The following MSANTD7 variants were observed in gnomAD, a reference collection of about 807,000 sequenced individuals.
MSANTD7 encodes Myb/SANT DNA binding domain containing 7.
At chr10:14,846,056 AT>A in the MSANTD7 span, 1 of 974,422 alleles carries the variant, frequency 1.0e-6, no homozygotes, top group Non-Finnish European at 1.2e-6. Context: ...TTAAGGTAGC[AT>A]TCTGTGGTAT....
chr10:14,841,678 CA>C, the MSANTD7 span, among the ~76,000 whole-genome samples: 3 of 149,750 alleles, frequency 2.0e-5, no homozygotes, highest in Non-Finnish European at 3.0e-5. Context: ...CCATATTGTG[CA>C]AAAAAAAAAT....
chr10:14,842,895 T>TA, the MSANTD7 span: 1 of 1,289,616 alleles, frequency 7.8e-7, no homozygotes, highest in Non-Finnish European at 1.1e-6. This position sits in a 1 kb window ranked among gnomAD's most constrained non-coding sequence, Gnocchi z 5.2. Context: ...CTTGTGGCTC[T>TA]AAACATTTAG....
the MSANTD7 span, chr10:14,838,386 G>T: frequency 6.3e-7 from 1 of 1,597,224 alleles, no homozygotes. Context: ...TCCTGCCGCT[G>T]CCGTCCCTGC....
the MSANTD7 span, chr10:14,842,263 T>G: frequency 1.1e-5 from 17 of 1,535,034 alleles, no homozygotes; most frequent in East Asian, 3.9e-4. This position sits in a 1 kb window ranked among gnomAD's most constrained non-coding sequence, Gnocchi z 5.2. Context: ...AGAAGCTGCC[T>G]AGCCCTCCTT....
At chr10:14,843,982 T>A in the MSANTD7 span, 1 of 1,483,198 alleles carries the variant, frequency 6.7e-7, no homozygotes, top group Non-Finnish European at 8.9e-7. Flanking sequence ...CTTTTCTGTG[T>A]CCTCAGAAAA....
At chr10:14,839,248 C>T in the MSANTD7 span, among the ~76,000 whole-genome samples, 2 of 152,254 alleles carry the variant, frequency 1.3e-5, no homozygotes, top group South Asian at 2.1e-4. Context: ...TAGGAAAAGC[C>T]AAAGGGAATA....
At chr10:14,843,534 G>A in the MSANTD7 span, 1 of 1,550,728 alleles carries the variant, frequency 6.4e-7, no homozygotes, top group Non-Finnish European at 8.7e-7. Context: ...CCACACCGCA[G>A]ACTCCAGTCT....
At chr10:14,844,206 G>A in the MSANTD7 span, 1 of 1,148,206 alleles carries the variant, frequency 8.7e-7, no homozygotes, top group Non-Finnish European at 1.1e-6. Flanking sequence ...TCCGTAAAAT[G>A]GGGATCAATA....
the MSANTD7 span, chr10:14,843,751 C>G: frequency 6.5e-7 from 1 of 1,536,534 alleles, no homozygotes; most frequent in South Asian, 1.2e-5. Context: ...GGCCAGTGCT[C>G]AGCAAGATAC....
the MSANTD7 span, chr10:14,842,737 T>C: frequency 1.3e-6 from 2 of 1,536,540 alleles, no homozygotes; most frequent in East Asian, 2.4e-5. The surrounding 1 kb of genome is among the most constrained non-coding windows in gnomAD (Gnocchi z 5.2). Flanking sequence ...ATCATCAGCC[T>C]ATCTTGAAAA....
chr10:14,846,662 A>T, the MSANTD7 span: 1 of 924,940 alleles, frequency 1.1e-6, no homozygotes, highest in Middle Eastern at 5.5e-4. Context: ...TGTCCTACCT[A>T]CCTCACAGGG....
the MSANTD7 span, chr10:14,844,996 T>G: frequency 3.0e-6 from 3 of 985,484 alleles, no homozygotes; most frequent in Non-Finnish European, 3.6e-6. Context: ...TAATGGCATC[T>G]GGTGGAAGAG....
chr10:14,843,732 T>A, the MSANTD7 span: 12 of 1,537,106 alleles, frequency 7.8e-6, no homozygotes, highest in Non-Finnish European at 1.0e-5. Context: ...TGATTGCTAT[T>A]GGTGAGGAGG....
At chr10:14,844,310 A>C in the MSANTD7 span, 1 of 1,060,736 alleles carries the variant, frequency 9.4e-7, no homozygotes, top group Non-Finnish European at 1.1e-6. Flanking sequence ...CACTGTACAC[A>C]TTTAAGTTAT....
chr10:14,838,504 G>A, the MSANTD7 span: 22 of 1,539,532 alleles, frequency 1.4e-5, no homozygotes, highest in Admixed American at 4.0e-4. Context: ...ACGGCCACCC[G>A]GTTTTCTGGC....
At chr10:14,843,037 A>G in the MSANTD7 span, among the ~76,000 whole-genome samples, 15 of 152,226 alleles carry the variant, frequency 9.9e-5, no homozygotes, top group African/African-American at 3.6e-4. Context: ...CCCTGGCAAC[A>G]TAAGGTATTA....
chr10:14,842,823 C>G, the MSANTD7 span: 2 of 1,534,590 alleles, frequency 1.3e-6, no homozygotes, highest in South Asian at 2.4e-5. This position sits in a 1 kb window ranked among gnomAD's most constrained non-coding sequence, Gnocchi z 5.2. Context: ...CTTGAGGACT[C>G]CTGGGATGAA....
chr10:14,846,818 TC>T, the MSANTD7 span: 1 of 985,270 alleles, frequency 1.0e-6, no homozygotes, highest in Non-Finnish European at 1.2e-6. Context: ...TAAGGGATAT[TC>T]AAGTAGGAGG....
the MSANTD7 span, among the ~76,000 whole-genome samples, chr10:14,839,290 G>A: frequency 0.014 from 2,118 of 152,344 alleles, 23 homozygotes; most frequent in Non-Finnish European, 0.022. Context: ...TGGGAAGAAA[G>A]GGGCCCAGCG....
Sources: gnomAD v4.1 joint callset for allele counts (sites outside exome capture counted in the v4.1 genomes callset) on GRCh38, gnomAD v4.1.1 for gene constraint, Gnocchi (gnomAD v3.1) non-coding constraint, MANE v1.5 for transcripts, NCBI Gene and HGNC (gene_info 2026-07-23, HGNC 2026-07-21) for gene names.